Variants in ASCC3 observed in about 807,000 individuals in gnomAD.
ASCC3 encodes ASC-1 complex subunit P200.
ASCC3 carries 158 observed loss-of-function variants against 256.3 expected under a neutral mutation model. That is an observed-to-expected ratio of 0.62 (90% confidence interval 0.54 to 0.70). ASCC3 has a LOEUF of 0.70. ASCC3 is among the 30% of genes least tolerant of loss of function. ASCC3 has a pLI of 0.00. For missense variants in ASCC3, 2,259 were observed against 2,626.0 expected (o/e 0.86, Z 3.05); for synonymous variants, 948 against 883.4 (o/e 1.07, Z -1.30).
chr6:100,675,409 C>T (rs1012557943), intron 14 of ASCC3, among the ~76,000 whole-genome samples: 1 of 152,086 alleles, frequency 6.6e-6, no homozygotes, highest in East Asian at 1.9e-4. Flanking sequence ...TCGGAAGAGA[C>T]GATTCTAATC....
At chr6:100,837,154 A>C (rs933982878) in intron 4 of ASCC3, among the ~76,000 whole-genome samples, 1 of 151,894 alleles carries the variant, frequency 6.6e-6, no homozygotes, top group Admixed American at 6.6e-5. Flanking sequence ...AGGGAAATGC[A>C]AATCAAAATG....
At chr6:100,586,715 C>T (rs1215202804) in intron 36 of ASCC3, among the ~76,000 whole-genome samples, 14 of 152,232 alleles carry the variant, frequency 9.2e-5, no homozygotes, top group African/African-American at 2.2e-4. Context: ...TGTTCCTATT[C>T]GGCCATCTTG....
At chr6:100,785,325 T>C (rs1769012448) in intron 8 of ASCC3, among the ~76,000 whole-genome samples, 1 of 152,186 alleles carries the variant, frequency 6.6e-6, no homozygotes, top group Non-Finnish European at 1.5e-5. Flanking sequence ...CCTAAATTAA[T>C]TAGACATTGC....
chr6:100,509,854 C>T, intron 41 of ASCC3, 78 bp downstream of exon 41: 12 of 1,455,892 alleles, frequency 8.2e-6, no homozygotes, highest in Non-Finnish European at 1.0e-5. Flanking sequence ...CGCCACTGCA[C>T]TCCAGCCTGG....
At chr6:100,745,021 G>A (rs958691149) in intron 10 of ASCC3, among the ~76,000 whole-genome samples, 1 of 152,140 alleles carries the variant, frequency 6.6e-6, no homozygotes, top group African/African-American at 2.4e-5. Flanking sequence ...CCAAGCAACT[G>A]TGTGTCTCAT....
At position 100,691,722 on chromosome 6, in the gene ASCC3, G is replaced by T. The variant is rs371231364; in HGVS notation, c.2152-11970C>A. Reference sequence around the variant, plus strand: ...ATATAAATCAATTGTTTTTGTTTTAGAAAAATTTTTTAGCAATCTAGACTA... The same window carrying T: ...ATATAAATCAATTGTTTTTGTTTTATAAAAATTTTTTAGCAATCTAGACTA... On this transcript the variant is annotated intron_variant, in intron 13 of 41. Transcript: ENST00000369162. Among the ~76,000 whole-genome samples, 16 of 151,782 alleles carry T rather than the reference G, an allele frequency of 1.1e-4. No homozygotes were observed. In the East Asian group the frequency reaches 2.9e-3, roughly 27 times the overall value.
intron 1 of ASCC3, among the ~76,000 whole-genome samples, chr6:100,868,736 T>A (rs1347314055): frequency 6.6e-6 from 1 of 152,198 alleles, no homozygotes; most frequent in African/African-American, 2.4e-5. Flanking sequence ...AATAAGTATC[T>A]GTTAATGAAT....
intron 3 of ASCC3, chr6:100,858,064 T>C (rs1308720731): frequency 1.4e-5 from 3 of 221,344 alleles, no homozygotes; most frequent in African/African-American, 2.3e-5. Flanking sequence ...CCATGAAGTC[T>C]TGCTTATTTT....
chr6:100,795,936 C>G (rs1013998499), intron 8 of ASCC3, among the ~76,000 whole-genome samples: 1 of 152,038 alleles, frequency 6.6e-6, no homozygotes, highest in Non-Finnish European at 1.5e-5. Flanking sequence ...TATTTTTTCT[C>G]CCAATGTCTG....
intron 8 of ASCC3, among the ~76,000 whole-genome samples, chr6:100,774,801 G>A (rs918148108): frequency 1.3e-5 from 2 of 152,028 alleles, no homozygotes; most frequent in South Asian, 4.2e-4. Context: ...ACCACACCTG[G>A]CCCTAGTTTG....
intron 10 of ASCC3, among the ~76,000 whole-genome samples, chr6:100,766,277 T>C (rs1048864440): frequency 3.3e-5 from 5 of 152,166 alleles, no homozygotes; most frequent in Non-Finnish European, 5.9e-5. Context: ...GTATTATTTA[T>C]ATCCTCATCC....
At chr6:100,628,101 A>AC in intron 27 of ASCC3, 114 bp from the exon 28 acceptor site, 1 of 1,149,576 alleles carries the variant, frequency 8.7e-7, no homozygotes, top group Non-Finnish European at 1.2e-6. Context: ...CAAAAAAAAA[A>AC]ACAAAAAAAA....
chr6:100,795,768 G>A (rs1427250016), intron 8 of ASCC3, among the ~76,000 whole-genome samples: 1 of 152,072 alleles, frequency 6.6e-6, no homozygotes, highest in African/African-American at 2.4e-5. Flanking sequence ...AGCATCTTAG[G>A]ACAGTTAGGA....
chr6:100,520,017 T>A (rs1452180024), intron 37 of ASCC3, among the ~76,000 whole-genome samples: 1 of 152,176 alleles, frequency 6.6e-6, no homozygotes, highest in Non-Finnish European at 1.5e-5. Flanking sequence ...CCAACTGAGT[T>A]GAACCAAAAT....
chr6:100,846,525 A>G (rs1046419187), intron 4 of ASCC3, among the ~76,000 whole-genome samples: 32 of 152,182 alleles, frequency 2.1e-4, no homozygotes, highest in African/African-American at 7.7e-4. Context: ...TGCAGACTTC[A>G]GTGTGGCTTG....
chr6:100,654,942 A>G (rs111722922), intron 17 of ASCC3, among the ~76,000 whole-genome samples: 1 of 152,054 alleles, frequency 6.6e-6, no homozygotes, highest in African/African-American at 2.4e-5. Flanking sequence ...ACTAAGTCAT[A>G]GTAAATTAGG....
intron 8 of ASCC3, among the ~76,000 whole-genome samples, chr6:100,769,144 A>C (rs1781798649): frequency 6.6e-6 from 1 of 152,056 alleles, no homozygotes; most frequent in African/African-American, 2.4e-5. Flanking sequence ...ACATGATCTC[A>C]CTCATATGTG....
At chr6:100,523,338 A>C (rs1774400749) in intron 37 of ASCC3, among the ~76,000 whole-genome samples, 1 of 152,026 alleles carries the variant, frequency 6.6e-6, no homozygotes, top group African/African-American at 2.4e-5. Flanking sequence ...CTATATAGCT[A>C]TTTGTTTTTA....
At position 100,718,096 on chromosome 6, in the gene ASCC3, C is replaced by G; in HGVS notation, c.2058G>C (p.Leu686Phe). 1.2e-6 allele frequency: 2 copies of G among 1,613,204 alleles called. No homozygotes were observed. Among genetic ancestry groups the G allele is most frequent in the Non-Finnish European group, 1.7e-6 (2 of 1,179,586 alleles). ...FRPVPLGQTF[L>F]GIKCANKMQQ... ...TTACCTTATTTGCACATTTAATCCC[C>G]AAAAATGTCTGTCCAAGAGGTACTG... Residue 686 changes from leucine to phenylalanine, a missense_variant, in exon 12 of 42, where the codon TTG becomes TTC. Around this residue, in one of 2 missense-constraint regions of ASCC3, gnomAD observed 1,839 missense variants for 2,206.7 expected, o/e 0.83. Coordinates refer to ENST00000369162, the MANE Select transcript of ASCC3 (RefSeq NM_006828.4).
Sources: gnomAD v4.1 joint callset for allele counts (sites outside exome capture counted in the v4.1 genomes callset) on GRCh38, gnomAD v4.1.1 for gene constraint, gnomAD v4.1.1 regional missense constraint, MANE v1.5 for transcripts, NCBI Gene and HGNC (gene_info 2026-07-23, HGNC 2026-07-21) for gene names.